SCAPER: variants seen among roughly 807,000 people sequenced by gnomAD.
SCAPER encodes S phase cyclin A-associated protein in the endoplasmic reticulum.
In SCAPER, 98 loss-of-function variants were observed where a neutral mutation model predicts 182.2. The observed-to-expected ratio is 0.54, with a 90% CI of 0.46 to 0.64. The LOEUF (loss-of-function observed/expected upper bound fraction) is 0.64, where lower values mean the gene tolerates loss of function less well. Ranked by LOEUF, SCAPER falls within the 30% of genes least tolerant of loss-of-function variation. The pLI is 0.00. For missense variants in SCAPER, 1,432 were observed against 1,690.0 expected (o/e 0.85, Z 2.68); for synonymous variants, 605 against 564.6 (o/e 1.07, Z -1.01).
At chr15:76,448,414 T>TA (rs1323322519) in intron 25 of SCAPER, among the ~76,000 whole-genome samples, 1 of 151,970 alleles carries the variant, frequency 6.6e-6, no homozygotes, top group African/African-American at 2.4e-5. Context: ...GCTTATATGG[T>TA]AGAGTTGTTT....
intron 20 of SCAPER, among the ~76,000 whole-genome samples, chr15:76,686,677 T>C (rs951285740): frequency 6.6e-6 from 1 of 151,858 alleles, no homozygotes; most frequent in Admixed American, 6.6e-5. Context: ...GGATAGTAAA[T>C]AAATCGTGTA....
rs760587547 is a variant in SCAPER, at chr15:76,353,972, C to T, written c.4024G>A (p.Val1342Ile). The change falls in exon 30 of 32, where the codon GTT (valine) becomes ATT (isoleucine). Residue 1342 changes from valine (V) to isoleucine (I), a missense_variant. By Grantham distance (29) the Val-to-Ile change is conservative (BLOSUM62 3). Transcript: ENST00000563290. ...KIILEQEMSC[V>I]LLATFIQDLA... Reference sequence around the variant, plus strand: ...ACCTGAATGAAAGTGGCCAGTAAAACACAGCTCATCTCTTGCTCCAGAATG... The same window carrying T: ...ACCTGAATGAAAGTGGCCAGTAAAATACAGCTCATCTCTTGCTCCAGAATG... The T allele has an allele frequency of 4.0e-5, 64 of 1,586,334 alleles. No homozygotes were observed. Among genetic ancestry groups the T allele is most frequent in the Middle Eastern group, 1.7e-4 (1 of 5,990 alleles).
At chr15:76,490,033 A>G (rs1002591059) in intron 24 of SCAPER, among the ~76,000 whole-genome samples, 1 of 152,100 alleles carries the variant, frequency 6.6e-6, no homozygotes, top group African/African-American at 2.4e-5. Context: ...TTCTTTGTCT[A>G]CTCATCTGAA....
chr15:76,668,060 AT>A (rs1044818934), intron 20 of SCAPER, among the ~76,000 whole-genome samples: 5 of 152,276 alleles, frequency 3.3e-5, no homozygotes, highest in African/African-American at 1.2e-4. Context: ...CAAAACTCTT[AT>A]GTTCTTTATA....
chr15:76,513,425 G>A (rs1410366129), intron 23 of SCAPER, among the ~76,000 whole-genome samples: 1 of 152,096 alleles, frequency 6.6e-6, no homozygotes, highest in Admixed American at 6.5e-5. Flanking sequence ...GGGACAGAAA[G>A]GGAAAATCAA....
At chr15:76,565,517 CA>C (rs988287308) in intron 23 of SCAPER, among the ~76,000 whole-genome samples, 1 of 151,824 alleles carries the variant, frequency 6.6e-6, no homozygotes, top group Non-Finnish European at 1.5e-5. Flanking sequence ...ATTAAAATGT[CA>C]AAAAAATAAC....
rs148708301 is a variant in SCAPER at position 76,768,747 on chromosome 15, G to T, written c.1249-1659C>A. 1.2e-3 allele frequency among the ~76,000 whole-genome samples: 178 copies of T among 150,378 alleles called. 1 individual carries two copies. The highest frequency in any genetic ancestry group is 2.1e-3 in the Non-Finnish European group (140 of 67,642). On this transcript the variant is annotated intron_variant, in intron 10 of 31. Coordinates refer to ENST00000563290, the MANE Select transcript of SCAPER (RefSeq NM_020843.4). ...TTCAGTACCCCTCTTTCAACTGACAGAAAAAGTAACCAAAAAACTAGCAAG... is the reference window on the plus strand; with the variant it reads ...TTCAGTACCCCTCTTTCAACTGACATAAAAAGTAACCAAAAAACTAGCAAG...
intron 30 of SCAPER, among the ~76,000 whole-genome samples, chr15:76,352,650 A>G (rs1033180912): frequency 3.3e-5 from 5 of 151,532 alleles, no homozygotes; most frequent in South Asian, 2.1e-4. Flanking sequence ...GCGTTTTACT[A>G]TGTTGGCCAG....
In SCAPER at chr15:76,702,930, C is replaced by A. The variant is rs1454792579; in HGVS notation, c.2320G>T (p.Gly774Trp). ...RKEKAAELSS[G>W]RHANTDYAPK... is the part of the protein sequence containing the mutation. ...GCATAATCAGTATTTGCATGTCGCCCACTGCTTAGCTCAGCAGCTTTTTCT... is the reference window on the plus strand; with the variant it reads ...GCATAATCAGTATTTGCATGTCGCCAACTGCTTAGCTCAGCAGCTTTTTCT... The change falls in exon 19 of 32, where the codon GGG becomes TGG. Residue 774 changes from glycine (G) to tryptophan (W), a missense_variant. Coordinates refer to ENST00000563290, the MANE Select transcript of SCAPER (RefSeq NM_020843.4). The A allele has an allele frequency of 6.2e-7, 1 of 1,610,556 alleles. No individual in the cohort carries two copies. The highest frequency in any genetic ancestry group is 1.3e-5 in the African/African-American group (1 of 74,686).
intron 14 of SCAPER, among the ~76,000 whole-genome samples, chr15:76,755,744 T>C (rs2062383294): frequency 6.6e-6 from 1 of 152,214 alleles, no homozygotes; most frequent in Non-Finnish European, 1.5e-5. Context: ...TAGGTACTTT[T>C]TCCTTTCTCT....
In SCAPER at chr15:76,583,885, C is replaced by G. The variant is rs114016661; in HGVS notation, c.2712-9601G>C. ...TGGAGGTTTCTCAAAAAACTAGAAA[C>G]AGAGCTACCATATGATCTAGCAATC... On this transcript the variant is annotated intron_variant, in intron 22 of 31. Coordinates refer to ENST00000563290, the MANE Select transcript of SCAPER (RefSeq NM_020843.4). 9.1e-3 allele frequency among the ~76,000 whole-genome samples: 1,378 copies of G among 152,252 alleles called. 23 individuals are homozygous for G. Among genetic ancestry groups the G allele is most frequent in the African/African-American group, 0.032 (1,339 of 41,532 alleles).
At chr15:76,663,685 G>A (rs955393122) in intron 21 of SCAPER, among the ~76,000 whole-genome samples, 12 of 152,072 alleles carry the variant, frequency 7.9e-5, no homozygotes, top group Non-Finnish European at 1.5e-4. Flanking sequence ...GCATACCAGC[G>A]GTTGCCTCAG....
chr15:76,795,727 T>C (rs1169365714), intron 7 of SCAPER, among the ~76,000 whole-genome samples: 1 of 152,132 alleles, frequency 6.6e-6, no homozygotes, highest in Non-Finnish European at 1.5e-5. Context: ...AAATTATGCA[T>C]AGGTACCTTA....
chr15:76,809,394 T>C (rs942889490), intron 5 of SCAPER, among the ~76,000 whole-genome samples: 1 of 152,046 alleles, frequency 6.6e-6, no homozygotes, highest in Non-Finnish European at 1.5e-5. Flanking sequence ...TAGCTAAAAA[T>C]TTCTGCCAAG....
intron 28 of SCAPER, chr15:76,380,090 T>C (rs552185339): frequency 6.6e-6 from 1 of 152,296 alleles, no homozygotes; most frequent in East Asian, 1.9e-4. Flanking sequence ...GTGGACTCCA[T>C]ATCCTGAGCA....
chr15:76,598,800 G>T (rs1327430697), intron 22 of SCAPER, among the ~76,000 whole-genome samples: 1 of 119,484 alleles, frequency 8.4e-6, no homozygotes, highest in African/African-American at 2.5e-5. Flanking sequence ...GGGGCCTGTT[G>T]GGGTTAGGGG....
At chr15:76,670,716 A>C (rs1409584925) in intron 20 of SCAPER, among the ~76,000 whole-genome samples, 1 of 152,196 alleles carries the variant, frequency 6.6e-6, no homozygotes. Context: ...TATTGGTATT[A>C]GTATGCTTGA....
chr15:76,553,825 C>G (rs977660705), intron 23 of SCAPER, among the ~76,000 whole-genome samples: 3 of 152,054 alleles, frequency 2.0e-5, no homozygotes, highest in Non-Finnish European at 4.4e-5. Flanking sequence ...CAAAAAAAAA[C>G]TCATTCAAAG....
At chr15:76,374,662 G>A (rs2042416357) in intron 29 of SCAPER, among the ~76,000 whole-genome samples, 1 of 151,646 alleles carries the variant, frequency 6.6e-6, no homozygotes, top group South Asian at 2.1e-4. Context: ...TGTATTTTTA[G>A]TAGAGACGGG....
Sources: allele counts gnomAD v4.1 joint callset (sites outside exome capture counted in the v4.1 genomes callset), GRCh38; gene constraint gnomAD v4.1.1; transcripts MANE v1.5; gene names NCBI Gene and HGNC (gene_info 2026-07-23, HGNC 2026-07-21).